Variants in GRIK1 observed in about 807,000 individuals in gnomAD.
GRIK1 encodes the protein glutamate ionotropic receptor kainate type subunit 1.
Under a neutral mutation model 105.7 loss-of-function variants are expected in GRIK1, and 69 were observed. The ratio of observed to expected loss-of-function variants is 0.65; its 90% CI spans 0.54 to 0.80. The LOEUF (loss-of-function observed/expected upper bound fraction) is 0.80. Among genes scored for constraint, GRIK1 ranks in the 30% least tolerant of loss-of-function variants. GRIK1 has a pLI of 0.00. For synonymous variants in GRIK1, 438 were observed against 431.3 expected, an observed-to-expected ratio of 1.02 and a Z score of -0.19; for missense variants, 1,109 against 1,167.3, an observed-to-expected ratio of 0.95 and a Z score of 0.73.
intron 1 of GRIK1, among the ~76,000 whole-genome samples, chr21:29,708,988 G>C (rs890601148): frequency 6.6e-6 from 1 of 151,854 alleles, no homozygotes; most frequent in Non-Finnish European, 1.5e-5. Context: ...ATATCTTGAC[G>C]TGTGGTATTA....
chr21:29,838,045 T>C (rs1228685696), intron 1 of GRIK1, among the ~76,000 whole-genome samples: 2 of 152,312 alleles, frequency 1.3e-5, no homozygotes, highest in East Asian at 1.9e-4. Context: ...TGAAATTTTA[T>C]CTATATGTTT....
chr21:29,774,432 T>C (rs1363543292), intron 1 of GRIK1, among the ~76,000 whole-genome samples: 3 of 150,068 alleles, frequency 2.0e-5, no homozygotes, highest in African/African-American at 7.3e-5. Context: ...CAAGTGCTGT[T>C]TCTTTATTTT....
In GRIK1 at chr21:29,673,097, C is replaced by T. The variant is rs200898561; in HGVS notation, c.612G>A (p.Gln204=). The change falls in exon 4 of 18, where the codon CAG becomes CAA. Residue 204 remains glutamine (Q), a synonymous_variant. Coordinates refer to ENST00000327783, the MANE Select transcript of GRIK1 (RefSeq NM_001330994.2). ...TGGCATCTTTATTCCCAGAGGGCAG[C>T]TGGCGGATTTTGATTTTAATATTAT... The part of the protein sequence containing the change: ...SRYNIKIKIR[Q]LPSGNKDAKP... 1 of 1,612,038 alleles carries T rather than the reference C, an allele frequency of 6.2e-7. No individual in the cohort carries two copies. The highest frequency in any genetic ancestry group is 1.7e-5 in the Admixed American group (1 of 59,986).
chr21:29,646,863 T>C (rs74615448), intron 6 of GRIK1, among the ~76,000 whole-genome samples: 1 of 151,272 alleles, frequency 6.6e-6, no homozygotes, highest in Non-Finnish European at 1.5e-5. Flanking sequence ...TTTTTTTTTT[T>C]AGAAGGAGTC....
chr21:29,814,110 A>T (rs11909588), intron 1 of GRIK1, among the ~76,000 whole-genome samples: 6,565 of 144,928 alleles, frequency 0.045, 250 homozygotes, highest in African/African-American at 0.097. Flanking sequence ...TAATAATAAT[A>T]ATAATTATTA....
chr21:29,735,515 AT>A (rs751067450), intron 1 of GRIK1, among the ~76,000 whole-genome samples: 5 of 152,170 alleles, frequency 3.3e-5, no homozygotes, highest in Non-Finnish European at 5.9e-5. Flanking sequence ...CAACTTATAT[AT>A]GCTATTCTCT....
At chr21:29,595,340 GT>G (rs71191119) in intron 9 of GRIK1, among the ~76,000 whole-genome samples, 8,377 of 136,888 alleles carry the variant, frequency 0.061, 226 homozygotes, top group South Asian at 0.1. Context: ...AGTGTAATAG[GT>G]TTTTTTTTTT....
At chr21:29,722,580 A>T (rs113254796) in intron 1 of GRIK1, among the ~76,000 whole-genome samples, 4 of 125,382 alleles carry the variant, frequency 3.2e-5, no homozygotes, top group African/African-American at 1.4e-4. Flanking sequence ...AAATAAAAGT[A>T]AAAAAAAAAA....
chr21:29,731,201 G>T (rs1218730576), intron 1 of GRIK1, among the ~76,000 whole-genome samples: 2 of 152,166 alleles, frequency 1.3e-5, no homozygotes, highest in Non-Finnish European at 2.9e-5. Context: ...GGACTCTCTG[G>T]TGATGTTTTC....
At chr21:29,767,446 A>G (rs996511687) in intron 1 of GRIK1, among the ~76,000 whole-genome samples, 1 of 152,170 alleles carries the variant, frequency 6.6e-6, no homozygotes, top group African/African-American at 2.4e-5. Flanking sequence ...TTAAGAGAAT[A>G]CAACCTGTCT....
Position 29,598,825 on chromosome 21 carries a change from G to T in GRIK1, c.1206+5C>A, listed in dbSNP as rs754068039. The T allele has an allele frequency of 9.7e-6, 12 of 1,241,558 alleles. No homozygotes were observed. Among genetic ancestry groups the T allele is most frequent in the Non-Finnish European group, 1.4e-5 (12 of 853,276 alleles). The allele number at this position is 1,241,558 out of a possible 1,614,324, so 76.9% of individuals were successfully genotyped here. On this transcript the variant is annotated splice_donor_5th_base_variant and intron_variant, in intron 8 of 17. Transcript: ENST00000327783. ...ATTTTATTTATTTATTGTTAAGGAG[G>T]TTACCTTTTCAGTTCCTTCCTCTTT...
chr21:29,797,371 A>T (rs922217296), intron 1 of GRIK1, among the ~76,000 whole-genome samples: 1 of 152,164 alleles, frequency 6.6e-6, no homozygotes, highest in Non-Finnish European at 1.5e-5. Context: ...ATGTGTACAA[A>T]TGAATTCCTG....
chr21:29,819,304 G>C (rs892612329), intron 1 of GRIK1, among the ~76,000 whole-genome samples: 2 of 152,014 alleles, frequency 1.3e-5, no homozygotes, highest in Non-Finnish European at 2.9e-5. Context: ...TATGCATAAA[G>C]GCTGGCTGCT....
At chr21:29,693,154 A>G (rs2063617940) in intron 2 of GRIK1, among the ~76,000 whole-genome samples, 1 of 152,214 alleles carries the variant, frequency 6.6e-6, no homozygotes, top group East Asian at 1.9e-4. Context: ...GTTTCCACAT[A>G]AACACATTTA....
chr21:29,656,295 A>AGCTTACAG (rs1479293788), intron 4 of GRIK1, among the ~76,000 whole-genome samples: 1 of 136,012 alleles, frequency 7.4e-6, no homozygotes, highest in Admixed American at 8.3e-5. Flanking sequence ...CCGGGGGCGG[A>AGCTTACAG]GCTTACAGTG....
chr21:29,830,759 C>G (rs571310569), intron 1 of GRIK1, among the ~76,000 whole-genome samples: 2 of 152,116 alleles, frequency 1.3e-5, no homozygotes, highest in South Asian at 4.1e-4. Flanking sequence ...TCATAAATTT[C>G]AGATATTACA....
chr21:29,783,446 G>T (rs1285485304), intron 1 of GRIK1, among the ~76,000 whole-genome samples: 1 of 152,088 alleles, frequency 6.6e-6, no homozygotes, highest in African/African-American at 2.4e-5. Context: ...ATATTTTGAT[G>T]TAATCGACAG....
At chr21:29,576,872 C>T (rs1448909683) in intron 14 of GRIK1, 92 bp downstream of exon 14, 12 of 730,624 alleles carry the variant, frequency 1.6e-5, no homozygotes, top group African/African-American at 5.3e-5. Flanking sequence ...ATCTTTTTTT[C>T]TTTTTTCTTT....
At chr21:29,779,505 G>A (rs2066033182) in intron 1 of GRIK1, among the ~76,000 whole-genome samples, 1 of 152,054 alleles carries the variant, frequency 6.6e-6, no homozygotes, top group Non-Finnish European at 1.5e-5. Context: ...GTGTGTGTGT[G>A]TGTGTGTGTG....
Sources: gnomAD v4.1 joint callset for allele counts (sites outside exome capture counted in the v4.1 genomes callset) on GRCh38, gnomAD v4.1.1 for gene constraint, MANE v1.5 for transcripts, NCBI Gene and HGNC (gene_info 2026-07-23, HGNC 2026-07-21) for gene names.